Variants in PAWR observed in about 807,000 individuals in gnomAD.
PAWR encodes the protein pro-apoptotic WT1 regulator.
PAWR carries 23 observed loss-of-function variants against 32.0 expected under a neutral mutation model. That is an observed-to-expected ratio of 0.72 (90% CI 0.52 to 1.02). The LOEUF (loss-of-function observed/expected upper bound fraction) is 1.02, where lower values mean the gene tolerates loss of function less well. Among genes scored for constraint, PAWR ranks in the 50% least tolerant of loss-of-function variants. The pLI is 0.00. For synonymous variants in PAWR, 226 were observed against 187.1 expected, an observed-to-expected ratio of 1.21 and a Z score of -1.70; for missense variants, 457 against 437.7, an observed-to-expected ratio of 1.04 and a Z score of -0.39.
chr12:79,631,927 G>A (rs555813103), intron 2 of PAWR, among the ~76,000 whole-genome samples: 26 of 152,056 alleles, frequency 1.7e-4, no homozygotes, highest in African/African-American at 6.0e-4. Flanking sequence ...GAGCTCAAGA[G>A]TTCGAGACCA....
At position 79,585,161 on chromosome 12, in the gene PAWR, C is replaced by A; in HGVS notation, c.*7446G>T. 2.2e-6 allele frequency: 1 copy of A among 452,808 alleles called. No individual in the cohort carries two copies. Among genetic ancestry groups the A allele is most frequent in the South Asian group, 1.6e-5 (1 of 63,758 alleles). The allele number at this position is 452,808 out of a possible 1,614,324, so 28.0% of individuals were successfully genotyped here. A position where few individuals can be genotyped will look rare whatever the true frequency, so the allele number is the denominator to read the frequency against. On this transcript the variant is annotated 3_prime_UTR_variant, in exon 7 of 7. Transcript: ENST00000328827. ...CAAAGATCAGGAGCTTAAAACAAAA[C>A]AAAACAAAAACAAACAAAAAACAAG...
intron 4 of PAWR, among the ~76,000 whole-genome samples, chr12:79,598,553 T>C (rs1334676640): frequency 6.6e-6 from 1 of 152,218 alleles, no homozygotes. Flanking sequence ...CTTCTCGTTT[T>C]AAAAATTGAT....
At chr12:79,664,951 A>C (rs908461403) in intron 2 of PAWR, among the ~76,000 whole-genome samples, 3 of 152,144 alleles carry the variant, frequency 2.0e-5, no homozygotes, top group African/African-American at 7.2e-5. Context: ...ACATCTCTTC[A>C]ATTTCCAACT....
intron 2 of PAWR, among the ~76,000 whole-genome samples, chr12:79,628,165 A>G (rs1412913337): frequency 6.6e-6 from 1 of 152,116 alleles, no homozygotes; most frequent in Non-Finnish European, 1.5e-5. Flanking sequence ...TCTCAAAACC[A>G]CTCAACTACA....
chr12:79,647,844 G>A (rs1320928117), intron 2 of PAWR, among the ~76,000 whole-genome samples: 1 of 152,100 alleles, frequency 6.6e-6, no homozygotes, highest in Non-Finnish European at 1.5e-5. Flanking sequence ...CTAACACAGC[G>A]GTCCCCAATC....
At chr12:79,604,725 T>C in intron 4 of PAWR, 1 of 1,283,830 alleles carries the variant, frequency 7.8e-7, no homozygotes, top group Non-Finnish European at 1.0e-6. Flanking sequence ...TCTCTTCCTT[T>C]AAATACAAAC....
chr12:79,623,987 T>C (rs1162287999), intron 2 of PAWR, among the ~76,000 whole-genome samples: 2 of 151,988 alleles, frequency 1.3e-5, no homozygotes, highest in South Asian at 2.1e-4. Flanking sequence ...TAATGAACAG[T>C]AGGAGAAGCA....
At chr12:79,665,101 GAT>G (rs1877541245) in intron 2 of PAWR, among the ~76,000 whole-genome samples, 1 of 152,118 alleles carries the variant, frequency 6.6e-6, no homozygotes, top group South Asian at 2.1e-4. Context: ...TAATTTCTGA[GAT>G]ATGTTTCCAT....
At chr12:79,656,863 T>C (rs947286319) in intron 2 of PAWR, among the ~76,000 whole-genome samples, 1 of 152,164 alleles carries the variant, frequency 6.6e-6, no homozygotes, top group African/African-American at 2.4e-5. Context: ...CTAAAATTAC[T>C]GCAGCTTAGT....
At chr12:79,607,560 C>A (rs1874237234) in intron 4 of PAWR, among the ~76,000 whole-genome samples, 3 of 151,708 alleles carry the variant, frequency 2.0e-5, no homozygotes, top group Non-Finnish European at 4.4e-5. Context: ...AAAACCCTGT[C>A]TCTACAAAAA....
chr12:79,599,054 C>T (rs1873867528), intron 4 of PAWR, among the ~76,000 whole-genome samples: 1 of 152,148 alleles, frequency 6.6e-6, no homozygotes, highest in Non-Finnish European at 1.5e-5. Flanking sequence ...TCCTTCTTTG[C>T]ATGGAAAGCT....
At chr12:79,620,413 T>C (rs1874947420) in intron 3 of PAWR, among the ~76,000 whole-genome samples, 1 of 152,034 alleles carries the variant, frequency 6.6e-6, no homozygotes, top group African/African-American at 2.4e-5. Flanking sequence ...CATAGAGAAT[T>C]CAAGTCCAAG....
chr12:79,687,835 G>A (rs1489850617), intron 2 of PAWR, among the ~76,000 whole-genome samples: 1 of 152,108 alleles, frequency 6.6e-6, no homozygotes, highest in Non-Finnish European at 1.5e-5. Context: ...AAGAAAATAT[G>A]AGGAGGAGGC....
intron 2 of PAWR, among the ~76,000 whole-genome samples, chr12:79,623,094 C>T (rs1221077297): frequency 6.6e-6 from 1 of 151,850 alleles, no homozygotes; most frequent in African/African-American, 2.4e-5. Context: ...AGGAACAAGA[C>T]CAAAAGTGAA....
chr12:79,635,349 G>A (rs949394543), intron 2 of PAWR, among the ~76,000 whole-genome samples: 5 of 151,942 alleles, frequency 3.3e-5, no homozygotes, highest in African/African-American at 1.2e-4. Context: ...GAAATTCTGT[G>A]GAGGCATTTT....
chr12:79,652,572 G>C (rs1256320710), intron 2 of PAWR, among the ~76,000 whole-genome samples: 1 of 152,114 alleles, frequency 6.6e-6, no homozygotes, highest in East Asian at 1.9e-4. Flanking sequence ...CACAAAACAT[G>C]ATCAAAATAT....
At chr12:79,678,180 A>G (rs1481475899) in intron 2 of PAWR, among the ~76,000 whole-genome samples, 1 of 152,184 alleles carries the variant, frequency 6.6e-6, no homozygotes, top group African/African-American at 2.4e-5. Context: ...CCTCCGAACA[A>G]GACAATCCTT....
chr12:79,603,053 A>T (rs1222187453), intron 4 of PAWR, among the ~76,000 whole-genome samples: 5 of 151,992 alleles, frequency 3.3e-5, no homozygotes, highest in Non-Finnish European at 7.4e-5. Context: ...ACCAGTCTGG[A>T]CAACATAATG....
At chr12:79,635,260 A>G (rs2136755987) in intron 2 of PAWR, among the ~76,000 whole-genome samples, 1 of 152,132 alleles carries the variant, frequency 6.6e-6, no homozygotes, top group African/African-American at 2.4e-5. Context: ...TTCTCCAAGT[A>G]TGTCTCTGGG....
Sources: gnomAD v4.1 joint callset for allele counts (sites outside exome capture counted in the v4.1 genomes callset) on GRCh38, gnomAD v4.1.1 for gene constraint, MANE v1.5 for transcripts, NCBI Gene and HGNC (gene_info 2026-07-23, HGNC 2026-07-21) for gene names.